Variants in PDXDC1 observed in about 807,000 individuals in gnomAD.
PDXDC1 encodes pyridoxal dependent decarboxylase domain containing 1.
PDXDC1 carries 42 observed loss-of-function variants against 100.1 expected under a neutral mutation model. That is an observed-to-expected ratio of 0.42 (90% CI 0.33 to 0.54). The LOEUF is 0.54. Ranked by LOEUF, PDXDC1 falls within the 20% of genes least tolerant of loss-of-function variation. The probability of loss-of-function intolerance (pLI) is 0.10; values close to 1 mark genes in which losing one functional copy is unlikely to be tolerated. For missense variants in PDXDC1, 636 were observed against 979.2 expected, an observed-to-expected ratio of 0.65 and a Z score of 4.68; for synonymous variants, 260 against 371.7, an observed-to-expected ratio of 0.70 and a Z score of 3.46.
downstream of PDXDC1, among the ~76,000 whole-genome samples, chr16:15,043,036 G>C (rs2043893242): frequency 6.6e-6 from 1 of 152,148 alleles, no homozygotes; most frequent in Non-Finnish European, 1.5e-5. Context: ...AAGTAGCTGG[G>C]ATTACAGGCA....
rs2043581271 is a variant in PDXDC1, at chr16:15,037,848, A to ACAAATGCCTTTGCCAAAATAAGGTTT, written c.*1574_*1599dup. The ACAAATGCCTTTGCCAAAATAAGGTTT allele has an allele frequency of 3.8e-6, 2 of 521,410 alleles. No individual in the cohort carries two copies. The highest frequency in any genetic ancestry group is 3.8e-5 in the African/African-American group (2 of 52,178). The allele number at this position is 521,410 out of a possible 1,614,324, so 32.3% of individuals were successfully genotyped here. A position where few individuals can be genotyped will look rare whatever the true frequency, so the allele number is the denominator to read the frequency against. On this transcript the variant is annotated 3_prime_UTR_variant, in exon 23 of 23. Transcript: ENST00000396410. ...TTAGTAAACCAAAAAATAAGTCTCA[A>ACAAATGCCTTTGCCAAAATAAGGTTT]CAAATGCCTTTGCCAAAATAAGGTT...
In PDXDC1 at chr16:15,033,295, A is replaced by G. The variant is rs554306057; in HGVS notation, c.1708A>G (p.Met570Val). 1.2e-6 allele frequency: 2 copies of G among 1,614,214 alleles called. No individual in the cohort carries two copies. Among genetic ancestry groups the G allele is most frequent in the Non-Finnish European group, 1.7e-6 (2 of 1,180,030 alleles). Reference sequence around the variant, plus strand: ...CTTTGCAGGCCCTGAGTATAAGAGCATGAAGAGCTGCCTTTATGTCGGCAT... The same window carrying G: ...CTTTGCAGGCCCTGAGTATAAGAGCGTGAAGAGCTGCCTTTATGTCGGCAT... ...TFKIGPEYKS[M>V]KSCLYVGMAS... Residue 570 changes from methionine (M) to valine (V), a missense_variant, in exon 19 of 23, where the codon ATG becomes GTG. Met to Val is a conservative substitution (Grantham distance 21). Around this residue, in one of 4 missense-constraint regions of PDXDC1, gnomAD observed 452 missense variants for 402.9 expected, o/e 1.12. Transcript: ENST00000396410.
At chr16:15,133,605 C>G (rs1351587765) in intron 16 of PDXDC1, 24 of 1,191,322 alleles carry the variant, frequency 2.0e-5, no homozygotes, top group South Asian at 2.0e-4. Context: ...GAGAGGCTGC[C>G]CTTGTAGACA....
intron 16 of PDXDC1, among the ~76,000 whole-genome samples, chr16:15,064,154 A>C (rs998726562): frequency 1.3e-5 from 2 of 152,020 alleles, no homozygotes; most frequent in African/African-American, 4.8e-5. Flanking sequence ...CAACTCATCT[A>C]GATAAATCGC....
At chr16:14,987,716 G>A (rs1969705352) in intron 1 of PDXDC1, among the ~76,000 whole-genome samples, 1 of 152,282 alleles carries the variant, frequency 6.6e-6, no homozygotes, top group African/African-American at 2.4e-5. Context: ...GGTTCAAGCA[G>A]TTCTCCTGCC....
At chr16:15,043,303 T>G (rs576152545), downstream of PDXDC1, among the ~76,000 whole-genome samples, 1 of 152,336 alleles carries the variant, frequency 6.6e-6, no homozygotes, top group East Asian at 1.9e-4. Context: ...CCCAAAGTGC[T>G]GGGATTACAG....
chr16:15,047,292 T>C (rs1269997298), intron 16 of PDXDC1: 34 of 632,604 alleles, frequency 5.4e-5, no homozygotes. Context: ...GCTGACGCAG[T>C]GCCCACGTCG....
At chr16:15,104,991 G>A (rs1372650778) in intron 16 of PDXDC1, among the ~76,000 whole-genome samples, 1 of 151,274 alleles carries the variant, frequency 6.6e-6, no homozygotes, top group Non-Finnish European at 1.5e-5. Context: ...ATGCCACTGT[G>A]TCTGTCTGCA....
chr16:15,062,558 A>G (rs1018029320), intron 16 of PDXDC1, among the ~76,000 whole-genome samples: 3 of 152,164 alleles, frequency 2.0e-5, no homozygotes, highest in Non-Finnish European at 2.9e-5. Context: ...GCTCCACCTC[A>G]TGTGACCTGG....
intron 16 of PDXDC1, among the ~76,000 whole-genome samples, chr16:15,052,556 C>T (rs1474094200): frequency 1.3e-5 from 2 of 152,156 alleles, no homozygotes; most frequent in East Asian, 3.9e-4. Context: ...ATTATGAGGC[C>T]CAACACACTG....
At chr16:15,073,161 A>G (rs2045307370) in intron 16 of PDXDC1, 3 of 1,478,386 alleles carry the variant, frequency 2.0e-6, no homozygotes, top group East Asian at 2.3e-5. Flanking sequence ...TAAACACAAC[A>G]CCATTAAAAA....
chr16:15,095,776 G>A (rs1211907978), intron 16 of PDXDC1, among the ~76,000 whole-genome samples: 1 of 152,040 alleles, frequency 6.6e-6, no homozygotes, highest in East Asian at 1.9e-4. Context: ...TTTGAACCCA[G>A]GAGGCAGAGG....
At chr16:15,034,796 C>T (rs2043301201) in intron 21 of PDXDC1, among the ~76,000 whole-genome samples, 1 of 152,212 alleles carries the variant, frequency 6.6e-6, no homozygotes, top group South Asian at 2.1e-4. Context: ...ACCGCAAGGC[C>T]ATGAGGACAC....
chr16:15,034,818 C>A (rs983055579), intron 21 of PDXDC1, among the ~76,000 whole-genome samples: 1 of 152,192 alleles, frequency 6.6e-6, no homozygotes, highest in Non-Finnish European at 1.5e-5. Context: ...CCCACTCAGC[C>A]GTGCAGACTC....
chr16:15,128,438 G>A (rs547487161), intron 16 of PDXDC1: 24 of 1,072,276 alleles, frequency 2.2e-5, no homozygotes, highest in African/African-American at 1.7e-4. Flanking sequence ...TGCCCAACAC[G>A]TGTGGCATCC....
At chr16:15,086,211 C>T (rs1567220135) in intron 16 of PDXDC1, 6 of 1,587,178 alleles carry the variant, frequency 3.8e-6, no homozygotes, top group Non-Finnish European at 4.3e-6. Flanking sequence ...CAAGAAAAGC[C>T]AAATACTCTT....
chr16:15,028,107 C>T (rs1162792974), intron 14 of PDXDC1, among the ~76,000 whole-genome samples: 1 of 152,286 alleles, frequency 6.6e-6, no homozygotes, highest in East Asian at 1.9e-4. Context: ...GAGGCCTGCA[C>T]ACTCTGCCCC....
At chr16:15,015,953 G>A in intron 8 of PDXDC1, 176 bp from the exon 9 acceptor site, 1 of 1,319,504 alleles carries the variant, frequency 7.6e-7, no homozygotes, top group Non-Finnish European at 1.0e-6. Flanking sequence ...TTCAAAGCTT[G>A]TAATAAGTCA....
At chr16:14,997,050 C>G (rs1345691511) in intron 1 of PDXDC1, among the ~76,000 whole-genome samples, 1 of 152,118 alleles carries the variant, frequency 6.6e-6, no homozygotes, top group Non-Finnish European at 1.5e-5. Flanking sequence ...TGTGGTTACC[C>G]CCATGGGACT....
Sources: allele counts gnomAD v4.1 joint callset (sites outside exome capture counted in the v4.1 genomes callset), GRCh38; gene constraint gnomAD v4.1.1; regional missense constraint gnomAD v4.1.1; transcripts MANE v1.5; gene names NCBI Gene and HGNC (gene_info 2026-07-23, HGNC 2026-07-21).